Variants in MACROD2 observed in about 807,000 individuals in gnomAD.
MACROD2 encodes mono-ADP ribosylhydrolase 2.
In MACROD2, 36 loss-of-function variants were observed where a neutral mutation model predicts 70.4. The observed-to-expected ratio is 0.51, with a 90% CI of 0.39 to 0.68. MACROD2 has a LOEUF of 0.68. Among genes scored for constraint, MACROD2 ranks in the 30% least tolerant of loss-of-function variants. MACROD2 has a pLI of 0.00. For missense variants in MACROD2, 496 were observed against 538.4 expected (o/e 0.92, Z 0.78); for synonymous variants, 172 against 178.8 (o/e 0.96, Z 0.30).
chr20:15,537,385 A>G (rs1380543889), intron 8 of MACROD2, among the ~76,000 whole-genome samples: 1 of 151,824 alleles, frequency 6.6e-6, no homozygotes, highest in African/African-American at 2.4e-5. Flanking sequence ...TACAGCCCCA[A>G]GCTCCTTTCC....
chr20:14,815,744 A>G (rs145680988), intron 5 of MACROD2, among the ~76,000 whole-genome samples: 2,047 of 152,178 alleles, frequency 0.013, 50 homozygotes, highest in African/African-American at 0.047. Context: ...GTTAGTAAAT[A>G]AAATATCTAA....
intron 6 of MACROD2, among the ~76,000 whole-genome samples, chr20:15,249,185 C>T (rs1241135180): frequency 1.3e-5 from 2 of 152,122 alleles, no homozygotes; most frequent in African/African-American, 4.8e-5. Context: ...TAGCTAGCAC[C>T]TTGAGTCAGT....
chr20:15,737,854 A>C (rs1057059514), intron 8 of MACROD2, among the ~76,000 whole-genome samples: 8 of 116,148 alleles, frequency 6.9e-5, no homozygotes, highest in Non-Finnish European at 1.6e-4. Context: ...GCCAGTAAAT[A>C]AATCAATGGA....
intron 3 of MACROD2, among the ~76,000 whole-genome samples, chr20:14,464,555 G>C (rs1433448515): frequency 6.6e-6 from 1 of 152,036 alleles, no homozygotes; most frequent in African/African-American, 2.4e-5. Context: ...TCCGATCTTA[G>C]TTATTTCTTG....
intron 5 of MACROD2, among the ~76,000 whole-genome samples, chr20:14,912,926 T>C (rs930087485): frequency 2.6e-5 from 4 of 152,198 alleles, no homozygotes; most frequent in Non-Finnish European, 4.4e-5. Context: ...GAGTTTTAGA[T>C]GGCTTTGGGC....
At position 15,461,002 on chromosome 20, in the gene MACROD2, ATATATT is replaced by A. The variant is rs1312204187; in HGVS notation, c.571+29569_571+29574del. 6.8e-4 allele frequency among the ~76,000 whole-genome samples: 34 copies of A among 50,268 alleles called. 1 individual carries two copies. The highest frequency in any genetic ancestry group is 1.1e-3 in the Non-Finnish European group (29 of 25,268). 33.0% of individuals were successfully genotyped at this position (50,268 alleles called of 152,430 possible). A position where few individuals can be genotyped will look rare whatever the true frequency, so the allele number is the denominator to read the frequency against. The stretch of plus-strand genomic sequence containing the variant: ...CATATATATATATATATATATATAT[ATATATT>A]TTTTTTTAATAGATGGGGTCTTGCT... On this transcript the variant is annotated intron_variant, in intron 7 of 17. Coordinates refer to ENST00000684519, the MANE Select transcript of MACROD2 (RefSeq NM_001351661.2).
chr20:14,493,554 T>C lies in MACROD2; in HGVS notation c.301+46T>C, dbSNP rs367839766. On this transcript the variant is annotated intron_variant, in intron 4 of 17. Coordinates refer to ENST00000684519, the MANE Select transcript of MACROD2 (RefSeq NM_001351661.2). ...AACTTAAAATACATTTTAATTGTTA[T>C]ACCAACTACAAGATATTTAGTAAGT... 6 of 1,482,828 alleles carry C rather than the reference T, an allele frequency of 4.0e-6. No homozygotes were observed. In the Middle Eastern group the frequency reaches 7.5e-4, roughly 184 times the overall value. 91.9% of individuals were successfully genotyped at this position (1,482,828 alleles called of 1,614,324 possible).
chr20:15,971,900 C>T (rs1261079235), intron 13 of MACROD2, among the ~76,000 whole-genome samples: 1 of 152,118 alleles, frequency 6.6e-6, no homozygotes, highest in Non-Finnish European at 1.5e-5. Flanking sequence ...AAATGGAACT[C>T]AACCCATAAA....
At chr20:15,607,723 G>A (rs1169387728) in intron 8 of MACROD2, among the ~76,000 whole-genome samples, 13 of 151,966 alleles carry the variant, frequency 8.6e-5, no homozygotes, top group African/African-American at 1.9e-4. Context: ...TATTAGAGAC[G>A]GGGTTTCACC....
intron 4 of MACROD2, among the ~76,000 whole-genome samples, chr20:14,664,625 TC>T (rs1230444698): frequency 1.3e-5 from 2 of 152,076 alleles, no homozygotes; most frequent in Non-Finnish European, 2.9e-5. Flanking sequence ...GCTCTCAACC[TC>T]TTTTATTCCC....
chr20:15,501,289 G>A (rs143512088), intron 8 of MACROD2, among the ~76,000 whole-genome samples: 36 of 152,354 alleles, frequency 2.4e-4, no homozygotes, highest in African/African-American at 7.9e-4. Context: ...CTGAGCAAGC[G>A]TATCAGTGCA....
At chr20:14,366,305 AT>A (rs907155125) in intron 3 of MACROD2, among the ~76,000 whole-genome samples, 16 of 149,598 alleles carry the variant, frequency 1.1e-4, no homozygotes, top group African/African-American at 2.5e-4. Flanking sequence ...TATATTTGTA[AT>A]TTTTTTATCT....
intron 8 of MACROD2, among the ~76,000 whole-genome samples, chr20:15,821,039 C>G (rs1400409792): frequency 1.3e-5 from 2 of 152,140 alleles, no homozygotes; most frequent in South Asian, 2.1e-4. Flanking sequence ...TCCACAGACA[C>G]AGATCCTTGG....
intron 6 of MACROD2, among the ~76,000 whole-genome samples, chr20:15,270,788 T>A (rs1356329027): frequency 6.6e-6 from 1 of 152,116 alleles, no homozygotes; most frequent in African/African-American, 2.4e-5. Flanking sequence ...CAATCTTGCC[T>A]CCATGTTGAG....
At chr20:15,196,848 C>G in intron 5 of MACROD2, 1 of 985,226 alleles carries the variant, frequency 1.0e-6, no homozygotes, top group Non-Finnish European at 1.2e-6. Context: ...TTATCCATAC[C>G]AGATATGCCA....
At chr20:14,561,846 C>T (rs776605902) in intron 4 of MACROD2, among the ~76,000 whole-genome samples, 10 of 151,756 alleles carry the variant, frequency 6.6e-5, no homozygotes, top group Non-Finnish European at 1.2e-4. Flanking sequence ...GCATGTCATA[C>T]ATAAAGAATG....
chr20:15,525,857 T>C (rs373755301), intron 8 of MACROD2, among the ~76,000 whole-genome samples: 1 of 152,160 alleles, frequency 6.6e-6, no homozygotes. Context: ...ATACTCCTTA[T>C]AGGGTAGTCA....
intron 6 of MACROD2, among the ~76,000 whole-genome samples, chr20:15,326,251 A>T (rs1351472789): frequency 2.6e-5 from 4 of 152,120 alleles, no homozygotes; most frequent in African/African-American, 9.7e-5. Flanking sequence ...GTCTCATATA[A>T]CAATATTGTT....
At chr20:15,622,829 TATTA>T (rs1226534272) in intron 8 of MACROD2, among the ~76,000 whole-genome samples, 1 of 152,218 alleles carries the variant, frequency 6.6e-6, no homozygotes, top group African/African-American at 2.4e-5. Flanking sequence ...TCTATTTTAT[TATTA>T]ATTGTTGTTA....
Sources: allele counts gnomAD v4.1 joint callset (sites outside exome capture counted in the v4.1 genomes callset), GRCh38; gene constraint gnomAD v4.1.1; transcripts MANE v1.5; gene names NCBI Gene and HGNC (gene_info 2026-07-23, HGNC 2026-07-21).